Variants in ZFAT observed in about 807,000 individuals in gnomAD.
The protein encoded by ZFAT is zinc finger and AT-hook domain containing.
Under a neutral mutation model 117.7 loss-of-function variants are expected in ZFAT, and 64 were observed. The observed-to-expected ratio is 0.54, with a 90% CI of 0.44 to 0.67. ZFAT has a LOEUF of 0.67. ZFAT is among the 30% of genes least tolerant of loss of function. The pLI is 0.00. For missense variants in ZFAT, 1,433 were observed against 1,584.5 expected, an observed-to-expected ratio of 0.90 and a Z score of 1.62; for synonymous variants, 679 against 615.0, an observed-to-expected ratio of 1.10 and a Z score of -1.54.
At chr8:134,753,497 C>T in the ZFAT span, among the ~76,000 whole-genome samples, 1 of 152,146 alleles carries the variant, frequency 6.6e-6, no homozygotes, top group Non-Finnish European at 1.5e-5. Context: ...AATGATCTTA[C>T]TTTTGGGAAT....
the ZFAT span, among the ~76,000 whole-genome samples, chr8:134,768,539 G>A: frequency 6.6e-6 from 1 of 152,228 alleles, no homozygotes; most frequent in Non-Finnish European, 1.5e-5. Flanking sequence ...AATCATGGTG[G>A]AAGGCAAAGA....
chr8:134,478,448 C>A lies in ZFAT; in HGVS notation c.*34G>T, dbSNP rs1232249716. ...CCTGGGTGCCTGCAGAGCCTGGCAG[C>A]CCCGCCCTGTGGCCATCCGATGCCA... On this transcript the variant is annotated 3_prime_UTR_variant, in exon 16 of 16. Transcript: ENST00000377838. This position sits in a 1 kb window ranked among gnomAD's most constrained non-coding sequence, Gnocchi z 5.2. The A allele has an allele frequency of 6.5e-7, 1 of 1,542,284 alleles. No individual in the cohort carries two copies.
chr8:134,638,973 C>T (rs1045163571), intron 2 of ZFAT, among the ~76,000 whole-genome samples: 1 of 152,314 alleles, frequency 6.6e-6, no homozygotes, highest in South Asian at 2.1e-4. Flanking sequence ...GTACTAGATT[C>T]TGGCACCATC....
chr8:134,597,807 A>G (rs1021731923), intron 7 of ZFAT: 14 of 152,236 alleles, frequency 9.2e-5, no homozygotes, highest in African/African-American at 2.4e-4. Context: ...AAGGGAAAAG[A>G]TTGAAGTTAA....
intron 11 of ZFAT, among the ~76,000 whole-genome samples, chr8:134,540,270 A>G (rs1024951519): frequency 1.3e-5 from 2 of 152,174 alleles, no homozygotes; most frequent in African/African-American, 4.8e-5. Context: ...GGATCAGGGG[A>G]GTGTGGAGTC....
intron 12 of ZFAT, among the ~76,000 whole-genome samples, chr8:134,523,189 C>A (rs1417179245): frequency 1.3e-5 from 2 of 152,226 alleles, no homozygotes; most frequent in Non-Finnish European, 2.9e-5. Flanking sequence ...ACACTCTGTT[C>A]CTCCAGCCTC....
Position 134,674,523 on chromosome 8 carries a change from C to T in ZFAT, c.20-16786G>A, listed in dbSNP as rs147428968. ...TGGAGCCCACCACAGCTCCCTGGGA[C>T]GGAGCACCTGTGGGAAGGGGCAGCT... On this transcript the variant is annotated intron_variant, in intron 1 of 15. Transcript: ENST00000377838. 2.6e-4 allele frequency among the ~76,000 whole-genome samples: 40 copies of T among 152,326 alleles called. No homozygotes were observed. The East Asian group carries it at 7.0e-3, about 26-fold the overall frequency.
chr8:134,539,086 T>G (rs926076360), intron 11 of ZFAT, among the ~76,000 whole-genome samples: 1 of 152,206 alleles, frequency 6.6e-6, no homozygotes, highest in Non-Finnish European at 1.5e-5. Flanking sequence ...ACAGGGAATA[T>G]ATCTCACCCG....
intron 11 of ZFAT, among the ~76,000 whole-genome samples, chr8:134,560,577 A>G (rs2130748403): frequency 6.6e-6 from 1 of 152,370 alleles, no homozygotes; most frequent in East Asian, 1.9e-4. Context: ...AGAACTCCAC[A>G]AGGTGATTCC....
chr8:134,831,822 G>A, the ZFAT span, among the ~76,000 whole-genome samples: 290 of 151,836 alleles, frequency 1.9e-3, 2 homozygotes, highest in African/African-American at 6.7e-3. Flanking sequence ...TGAGGGACGG[G>A]GGCGCCAAAA....
intron 11 of ZFAT, among the ~76,000 whole-genome samples, chr8:134,557,903 AC>A (rs1823769796): frequency 6.6e-6 from 1 of 152,252 alleles, no homozygotes; most frequent in Non-Finnish European, 1.5e-5. Flanking sequence ...TGTGCTGTTT[AC>A]AGGAGAACAT....
intron 15 of ZFAT, among the ~76,000 whole-genome samples, chr8:134,501,565 T>C (rs1818979076): frequency 6.6e-6 from 1 of 152,096 alleles, no homozygotes; most frequent in Admixed American, 6.5e-5. Flanking sequence ...ATGATACAAC[T>C]GAAGATGCTA....
intron 1 of ZFAT, among the ~76,000 whole-genome samples, chr8:134,670,635 C>T (rs957843602): frequency 2.0e-5 from 3 of 152,224 alleles, no homozygotes; most frequent in Admixed American, 1.3e-4. Flanking sequence ...CACTAAATGC[C>T]CACAAGAGAA....
chr8:134,561,108 T>A lies in ZFAT; in HGVS notation c.2976+4225A>T, dbSNP rs538595443. Reference sequence around the variant, plus strand: ...TTTCAGGATGACATGGAAATGCTTTTGGCATAAAGATATCCACTGCAGGGT... The same window carrying A: ...TTTCAGGATGACATGGAAATGCTTTAGGCATAAAGATATCCACTGCAGGGT... On this transcript the variant is annotated intron_variant, in intron 11 of 15. Coordinates refer to ENST00000377838, the MANE Select transcript of ZFAT (RefSeq NM_020863.4). Among the ~76,000 whole-genome samples the A allele has an allele frequency of 5.3e-4, 80 of 152,370 alleles. 1 individual carries two copies. The highest frequency in any genetic ancestry group is 7.8e-4 in the Admixed American group (12 of 15,304).
chr8:134,527,279 T>C (rs1821093268), intron 12 of ZFAT, among the ~76,000 whole-genome samples: 1 of 152,212 alleles, frequency 6.6e-6, no homozygotes, highest in South Asian at 2.1e-4. Context: ...TTGGTGAGAC[T>C]CATTTTGGAC....
intron 1 of ZFAT, among the ~76,000 whole-genome samples, chr8:134,680,280 A>AG (rs1450670226): frequency 6.6e-6 from 1 of 151,526 alleles, no homozygotes; most frequent in Non-Finnish European, 1.5e-5. Context: ...AAAAAAAAAA[A>AG]AGAATTTGAA....
intron 1 of ZFAT, among the ~76,000 whole-genome samples, chr8:134,712,379 G>A (rs563648693): frequency 3.3e-5 from 5 of 152,198 alleles, no homozygotes; most frequent in Non-Finnish European, 7.3e-5. Context: ...CGGGTGTCAA[G>A]TGGAAGATCT....
intron 1 of ZFAT, among the ~76,000 whole-genome samples, chr8:134,680,601 C>T: frequency 6.6e-6 from 1 of 152,132 alleles, no homozygotes. Flanking sequence ...AGTAATGACA[C>T]AAACGTACAC....
chr8:134,773,484 T>A, the ZFAT span, among the ~76,000 whole-genome samples: 1 of 152,240 alleles, frequency 6.6e-6, no homozygotes, highest in Middle Eastern at 3.2e-3. Context: ...GATCAAGGAA[T>A]AAGTTAGACT....
Sources: allele counts gnomAD v4.1 joint callset (sites outside exome capture counted in the v4.1 genomes callset), GRCh38; gene constraint gnomAD v4.1.1; non-coding constraint Gnocchi (gnomAD v3.1); transcripts MANE v1.5; gene names NCBI Gene and HGNC (gene_info 2026-07-23, HGNC 2026-07-21).